The following ZEB1 variants were observed in gnomAD, a reference collection of about 807,000 sequenced individuals.
ZEB1 encodes the protein zinc finger E-box-binding homeobox 1.
Under a neutral mutation model 84.9 loss-of-function variants are expected in ZEB1, and 21 were observed. The ratio of observed to expected loss-of-function variants is 0.25; its 90% CI spans 0.18 to 0.36. The LOEUF (loss-of-function observed/expected upper bound fraction) is 0.36, where lower values mean the gene tolerates loss of function less well. Ranked by LOEUF, ZEB1 falls within the 10% of genes least tolerant of loss-of-function variation. ZEB1 has a pLI of 1.00. For missense variants in ZEB1, 1,104 were observed against 1,330.2 expected (o/e 0.83, Z 2.65); for synonymous variants, 420 against 471.1 (o/e 0.89, Z 1.41).
chr10:31,471,699 C>A (rs1429015172), intron 2 of ZEB1, among the ~76,000 whole-genome samples: 32 of 146,620 alleles, frequency 2.2e-4, no homozygotes, highest in African/African-American at 6.6e-4. Flanking sequence ...CTCAGCTCTG[C>A]ACCAAGCAGA....
intron 4 of ZEB1, among the ~76,000 whole-genome samples, chr10:31,503,005 T>C (rs2068382273): frequency 6.6e-6 from 1 of 152,068 alleles, no homozygotes; most frequent in Non-Finnish European, 1.5e-5. Flanking sequence ...TGAGAAGAAA[T>C]AGGCTGTGAT....
chr10:31,427,433 C>A (rs1564818628), intron 1 of ZEB1, among the ~76,000 whole-genome samples: 1 of 152,090 alleles, frequency 6.6e-6, no homozygotes, highest in Non-Finnish European at 1.5e-5. Flanking sequence ...CTTCAGTGAG[C>A]CCTGGTTGAT....
chr10:31,331,796 G>A (rs1041464430), intron 1 of ZEB1, among the ~76,000 whole-genome samples: 58 of 152,156 alleles, frequency 3.8e-4, no homozygotes, highest in African/African-American at 1.3e-3. Context: ...CTCAAGTCAC[G>A]TTTGGTAAAA....
At chr10:31,395,275 C>G (rs930301589) in intron 1 of ZEB1, among the ~76,000 whole-genome samples, 1 of 152,060 alleles carries the variant, frequency 6.6e-6, no homozygotes, top group African/African-American at 2.4e-5. Flanking sequence ...TACTCTTTTC[C>G]TAAATGTGTT....
chr10:31,524,208 T>G (rs1592122083), intron 8 of ZEB1, 95 bp downstream of exon 8: 1 of 1,389,450 alleles, frequency 7.2e-7, no homozygotes, highest in African/African-American at 1.5e-5. Context: ...CTTTCTTTTT[T>G]TTTTTTTTTA....
chr10:31,417,546 A>G (rs182254083), intron 1 of ZEB1, among the ~76,000 whole-genome samples: 35 of 152,106 alleles, frequency 2.3e-4, no homozygotes, highest in African/African-American at 8.0e-4. Flanking sequence ...AAGAAAATAT[A>G]TTGTAATGTA....
chr10:31,327,893 T>G (rs1194324086), intron 1 of ZEB1, among the ~76,000 whole-genome samples: 1 of 152,236 alleles, frequency 6.6e-6, no homozygotes, highest in Non-Finnish European at 1.5e-5. Flanking sequence ...TATGTTTCTC[T>G]GTTTATTAGG....
chr10:31,476,318 G>A (rs909772603), intron 2 of ZEB1, among the ~76,000 whole-genome samples: 1 of 151,932 alleles, frequency 6.6e-6, no homozygotes, highest in South Asian at 2.1e-4. Flanking sequence ...CTCATCAGGG[G>A]TTACTATGAG....
chr10:31,336,308 C>A (rs1223056439), intron 1 of ZEB1, among the ~76,000 whole-genome samples: 1 of 152,054 alleles, frequency 6.6e-6, no homozygotes, highest in East Asian at 1.9e-4. Flanking sequence ...AATAGGATGA[C>A]CCTTTCAATA....
chr10:31,336,688 A>C (rs971527898), intron 1 of ZEB1, among the ~76,000 whole-genome samples: 1 of 152,194 alleles, frequency 6.6e-6, no homozygotes, highest in Non-Finnish European at 1.5e-5. Context: ...GGCACTTCAC[A>C]AAAGAATAAA....
chr10:31,452,154 C>T (rs573564565), intron 1 of ZEB1, among the ~76,000 whole-genome samples: 1 of 152,048 alleles, frequency 6.6e-6, no homozygotes, highest in African/African-American at 2.4e-5. Flanking sequence ...AAATTTCACC[C>T]AAAATTTACT....
intron 5 of ZEB1, 106 bp from the exon 6 acceptor site, chr10:31,514,494 AAAC>A (rs1431999918): frequency 2.0e-6 from 2 of 986,042 alleles, no homozygotes; most frequent in African/African-American, 1.6e-5. Context: ...TTAAGAAACA[AAAC>A]AAAACAACCA....
At chr10:31,472,425 A>G (rs1205867750) in intron 2 of ZEB1, among the ~76,000 whole-genome samples, 2 of 152,212 alleles carry the variant, frequency 1.3e-5, no homozygotes, top group Non-Finnish European at 2.9e-5. Flanking sequence ...GAATACTACA[A>G]ATACCTCTAT....
intron 6 of ZEB1, among the ~76,000 whole-genome samples, chr10:31,516,269 C>A (rs1228225542): frequency 6.6e-6 from 1 of 152,094 alleles, no homozygotes; most frequent in East Asian, 1.9e-4. Flanking sequence ...TCCCACTGTA[C>A]TCTGCACTGT....
At chr10:31,447,440 A>G (rs1591375956) in intron 1 of ZEB1, among the ~76,000 whole-genome samples, 1 of 126,128 alleles carries the variant, frequency 7.9e-6, no homozygotes, top group Non-Finnish European at 1.7e-5. Flanking sequence ...GTTATGTGTG[A>G]ATTTGATCCT....
In ZEB1 at chr10:31,527,411, A is replaced by C; in HGVS notation, c.*147A>C. ...AAAAACTAAAAAAATACAAAATACA[A>C]AACACACACACACACACACACACAC... is the stretch of plus-strand genomic sequence containing the variant. On this transcript the variant is annotated 3_prime_UTR_variant, in exon 9 of 9. Transcript: ENST00000424869. 3.9e-6 allele frequency: 3 copies of C among 771,368 alleles called. No individual in the cohort carries two copies. The highest frequency in any genetic ancestry group is 5.9e-6 in the Non-Finnish European group (3 of 508,026). 47.8% of individuals were successfully genotyped at this position (771,368 alleles called of 1,614,324 possible). A position where few individuals can be genotyped will look rare whatever the true frequency, so the allele number is the denominator to read the frequency against.
intron 1 of ZEB1, chr10:31,362,681 G>C (rs1157614160): frequency 1.2e-5 from 5 of 433,624 alleles, no homozygotes; most frequent in Non-Finnish European, 2.1e-5. Context: ...CTTCCCAGAT[G>C]GTGGAGCAGC....
rs1288659889 is a variant in ZEB1, at chr10:31,474,595, A to C, written c.259+13358A>C. On this transcript the variant is annotated intron_variant, in intron 2 of 8. Transcript: ENST00000424869. ...GGAGAGGATGTGGAGAAATAGGAAC[A>C]CTTTTACACTGTTGGTGGGACTGTA... 4.6e-5 allele frequency among the ~76,000 whole-genome samples: 7 copies of C among 152,226 alleles called. No individual in the cohort carries two copies. The East Asian group carries it at 9.6e-4, about 21-fold the overall frequency.
At chr10:31,426,555 T>C (rs953268632) in intron 1 of ZEB1, among the ~76,000 whole-genome samples, 2 of 152,212 alleles carry the variant, frequency 1.3e-5, no homozygotes, top group African/African-American at 4.8e-5. Flanking sequence ...TACAGAGAAC[T>C]CTCATGTTGT....
Sources: gnomAD v4.1 joint callset for allele counts (sites outside exome capture counted in the v4.1 genomes callset) on GRCh38, gnomAD v4.1.1 for gene constraint, MANE v1.5 for transcripts, NCBI Gene and HGNC (gene_info 2026-07-23, HGNC 2026-07-21) for gene names.